The following FANCF variants were observed in gnomAD, a reference collection of about 807,000 sequenced individuals.
The protein encoded by FANCF is Fanconi anemia group F protein.
For missense variants in FANCF, 552 were observed against 481.8 expected, an observed-to-expected ratio of 1.15 and a Z score of -1.36; for synonymous variants, 257 against 205.9, an observed-to-expected ratio of 1.25 and a Z score of -2.13.
chr11:22,624,715 C>T lies in FANCF; in HGVS notation c.1096G>A (p.Gly366Ser). ...SGAFRKRQVL[G>S]LSAGLSSV ...ACAGAACTGAGGCCTGCGCTGAGAC[C>T]CAAAACTTGTCTTTTCCTAAATGCA... Residue 366 changes from glycine (G) to serine (S), a missense_variant, in exon 1 of 1, where the codon GGT becomes AGT. Transcript: ENST00000327470. The T allele has an allele frequency of 6.2e-7, 1 of 1,614,070 alleles. No individual in the cohort carries two copies. Among genetic ancestry groups the T allele is most frequent in the Non-Finnish European group, 8.5e-7 (1 of 1,180,020 alleles).
rs551211564 is a variant in FANCF, at chr11:22,623,125, T to A, written c.*1561A>T. ...AATGTAATCTACAAGATGGCCTTCATGGATTAGAAAAAGGAATCAGACCAC... is the reference window on the plus strand; with the variant it reads ...AATGTAATCTACAAGATGGCCTTCAAGGATTAGAAAAAGGAATCAGACCAC... On this transcript the variant is annotated 3_prime_UTR_variant, in exon 1 of 1. Transcript: ENST00000327470. 2 of 210,836 alleles carry A rather than the reference T, an allele frequency of 9.5e-6. No individual in the cohort carries two copies. Among genetic ancestry groups the A allele is most frequent in the African/African-American group, 4.5e-5 (2 of 44,274 alleles). 13.1% of individuals were successfully genotyped at this position (210,836 alleles called of 1,614,324 possible). A position where few individuals can be genotyped will look rare whatever the true frequency, so the allele number is the denominator to read the frequency against.
In FANCF at chr11:22,622,861, G is replaced by A. The variant is rs1440957789; in HGVS notation, c.*1825C>T. 3 of 191,152 alleles carry A rather than the reference G, an allele frequency of 1.6e-5. No individual in the cohort carries two copies. Among genetic ancestry groups the A allele is most frequent in the African/African-American group, 7.0e-5 (3 of 43,034 alleles). 11.8% of individuals were successfully genotyped at this position (191,152 alleles called of 1,614,324 possible). Reference sequence around the variant, plus strand: ...AAAATAACAGAATAATAAATGGTAAGTATAAAATAGATTTTAAAATGTTAT... The same window carrying A: ...AAAATAACAGAATAATAAATGGTAAATATAAAATAGATTTTAAAATGTTAT... On this transcript the variant is annotated 3_prime_UTR_variant, in exon 1 of 1. Transcript: ENST00000327470.
In FANCF at chr11:22,622,736, C is replaced by T. The variant is rs923194357; in HGVS notation, c.*1950G>A. 5.2e-6 allele frequency: 1 copy of T among 192,362 alleles called. No individual in the cohort carries two copies. Among genetic ancestry groups the T allele is most frequent in the African/African-American group, 2.3e-5 (1 of 43,042 alleles). 11.9% of individuals were successfully genotyped at this position (192,362 alleles called of 1,614,324 possible). ...ACTTTCATGTTGCTTTTGTTTATAC[C>T]CTTGGGCATTTTACTTAATCTTTTA... On this transcript the variant is annotated 3_prime_UTR_variant, in exon 1 of 1. Coordinates refer to ENST00000327470, the MANE Select transcript of FANCF (RefSeq NM_022725.4).
At position 22,625,799 on chromosome 11, in the gene FANCF, A is replaced by T; in HGVS notation, c.12T>A (p.Leu4=). 6.2e-7 allele frequency: 1 copy of T among 1,614,066 alleles called. No individual in the cohort carries two copies. Residue 4 remains leucine, a synonymous_variant, in exon 1 of 1, where the codon CTT becomes CTA. Coordinates refer to ENST00000327470, the MANE Select transcript of FANCF (RefSeq NM_022725.4). ...CGGAAAAGCGATCCAGGTGCTGCAG[A>T]AGGGATTCCATGAGGTGCGCGAAGG... MES[L]LQHLDRFSEL...
In FANCF at chr11:22,623,300, ATTG is replaced by A. The variant is rs1267494095; in HGVS notation, c.*1383_*1385del. The A allele has an allele frequency of 2.9e-5, 6 of 205,406 alleles. No individual in the cohort carries two copies. The highest frequency in any genetic ancestry group is 1.2e-4 in the Admixed American group (2 of 16,802). The allele number at this position is 205,406 out of a possible 1,614,324, so 12.7% of individuals were successfully genotyped here. Reference sequence around the variant, plus strand: ...TTTTCTACAAGATTACACTACTCATATTGTTTTTATTCCATTCCGGAATTAGAA... The same window carrying A: ...TTTTCTACAAGATTACACTACTCATATTTTTATTCCATTCCGGAATTAGAA... On this transcript the variant is annotated 3_prime_UTR_variant, in exon 1 of 1. Coordinates refer to ENST00000327470, the MANE Select transcript of FANCF (RefSeq NM_022725.4).
Position 22,624,473 on chromosome 11 carries a change from A to C in FANCF, c.*213T>G, listed in dbSNP as rs574301990. On this transcript the variant is annotated 3_prime_UTR_variant, in exon 1 of 1. Transcript: ENST00000327470. Reference sequence around the variant, plus strand: ...AACTATTGCTAATTCCATGGCTTTAAGTGGAGTACTTCCAATCACTTCCTC... The same window carrying C: ...AACTATTGCTAATTCCATGGCTTTACGTGGAGTACTTCCAATCACTTCCTC... The C allele has an allele frequency of 6.8e-6, 4 of 589,836 alleles. No homozygotes were observed. The highest frequency in any genetic ancestry group is 5.6e-5 in the African/African-American group (3 of 53,736). 36.5% of individuals were successfully genotyped at this position (589,836 alleles called of 1,614,324 possible). A position where few individuals can be genotyped will look rare whatever the true frequency, so the allele number is the denominator to read the frequency against.
Position 22,625,791 on chromosome 11 carries a change from T to C in FANCF, c.20A>G (p.His7Arg). ...CAGAAGCTCGGAAAAGCGATCCAGG[T>C]GCTGCAGAAGGGATTCCATGAGGTG... MESLLQHLDRFSELLAV... is the reference protein window; with the variant it reads MESLLQRLDRFSELLAV... The change falls in exon 1 of 1, where the codon CAC becomes CGC. Residue 7 changes from histidine (H) to arginine (R), a missense_variant. Physicochemically the swap from His to Arg is conservative, Grantham distance 29. Coordinates refer to ENST00000327470, the MANE Select transcript of FANCF (RefSeq NM_022725.4). 1 of 1,614,068 alleles carries C rather than the reference T, an allele frequency of 6.2e-7. No homozygotes were observed. The highest frequency in any genetic ancestry group is 8.5e-7 in the Non-Finnish European group (1 of 1,180,024).
In FANCF at chr11:22,623,057, G is replaced by A. The variant is rs10500938; in HGVS notation, c.*1629C>T. 7,259 of 205,596 alleles carry A rather than the reference G, an allele frequency of 0.035. 209 individuals are homozygous for A. The highest frequency in any genetic ancestry group is 0.087 in the East Asian group (1,163 of 13,410). The allele number at this position is 205,596 out of a possible 1,614,324, so 12.7% of individuals were successfully genotyped here. ...GGGTTGTTTCTTAAAAAAAATTCAC[G>A]CAACTGACAGGAGGAATTGTCTTTA... is the stretch of plus-strand genomic sequence containing the variant. On this transcript the variant is annotated 3_prime_UTR_variant, in exon 1 of 1. Coordinates refer to ENST00000327470, the MANE Select transcript of FANCF (RefSeq NM_022725.4).
rs1002463466 is a variant in FANCF at position 22,623,665 on chromosome 11, G to A, written c.*1021C>T. 1.1e-5 allele frequency: 2 copies of A among 186,782 alleles called. No individual in the cohort carries two copies. The highest frequency in any genetic ancestry group is 2.3e-5 in the Non-Finnish European group (2 of 88,416). The allele number at this position is 186,782 out of a possible 1,614,324, so 11.6% of individuals were successfully genotyped here. On this transcript the variant is annotated 3_prime_UTR_variant, in exon 1 of 1. Coordinates refer to ENST00000327470, the MANE Select transcript of FANCF (RefSeq NM_022725.4). ...GTTGTGATTTATTAACCTAGTTAAC[G>A]GCAGAAGCTGCACTAAAACCTGGAT...
At position 22,624,722 on chromosome 11, in the gene FANCF, TTG is replaced by T. The variant is rs1554963590; in HGVS notation, c.1087_1088del (p.Gln363SerfsTer54). The T allele has an allele frequency of 1.2e-6, 2 of 1,614,148 alleles. No homozygotes were observed. Among genetic ancestry groups the T allele is most frequent in the Non-Finnish European group, 1.7e-6 (2 of 1,180,024 alleles). ...TGAGGCCTGCGCTGAGACCCAAAAC[TTG>T]TCTTTTCCTAAATGCACCACTACGA... ...ALRSGAFRKR[Q>X]VLGLSAGLSS... On this transcript the variant is annotated frameshift_variant, in exon 1 of 1. Transcript: ENST00000327470. LOFTEE classifies it low-confidence loss of function (END_TRUNC).
rs750178404 is a variant in FANCF, at chr11:22,624,384, C to G, written c.*302G>C. 3 of 405,034 alleles carry G rather than the reference C, an allele frequency of 7.4e-6. No individual in the cohort carries two copies. Among genetic ancestry groups the G allele is most frequent in the African/African-American group, 2.0e-5 (1 of 50,570 alleles). 25.1% of individuals were successfully genotyped at this position (405,034 alleles called of 1,614,324 possible). A position where few individuals can be genotyped will look rare whatever the true frequency, so the allele number is the denominator to read the frequency against. ...TATTTTGTTTGTCACTTTAAAGCTG[C>G]TTTTTCTTTAAACGGTACACATATT... On this transcript the variant is annotated 3_prime_UTR_variant, in exon 1 of 1. Transcript: ENST00000327470.
rs1858606688 is a variant in FANCF at position 22,624,382 on chromosome 11, T to C, written c.*304A>G. On this transcript the variant is annotated 3_prime_UTR_variant, in exon 1 of 1. Coordinates refer to ENST00000327470, the MANE Select transcript of FANCF (RefSeq NM_022725.4). ...GGTATTTTGTTTGTCACTTTAAAGC[T>C]GCTTTTTCTTTAAACGGTACACATA... 2.5e-6 allele frequency: 1 copy of C among 406,020 alleles called. No individual in the cohort carries two copies. Among genetic ancestry groups the C allele is most frequent in the South Asian group, 3.3e-5 (1 of 30,214 alleles). The allele number at this position is 406,020 out of a possible 1,614,324, so 25.2% of individuals were successfully genotyped here.
chr11:22,625,736 G>A lies in FANCF; in HGVS notation c.75C>T (p.Thr25=). The change falls in exon 1 of 1, where the codon ACC becomes ACT. Residue 25 remains threonine, a synonymous_variant. Coordinates refer to ENST00000327470, the MANE Select transcript of FANCF (RefSeq NM_022725.4). Reference sequence around the variant, plus strand: ...CCCGGCGCACGGTGGCGGGGTCCCAGGTGCTGACGTAGGTAGTGCTTGAGA... The same window carrying A: ...CCCGGCGCACGGTGGCGGGGTCCCAAGTGCTGACGTAGGTAGTGCTTGAGA... ...LAVSSTTYVS[T]WDPATVRRAL... The A allele has an allele frequency of 6.2e-7, 1 of 1,614,176 alleles. No individual in the cohort carries two copies. Among genetic ancestry groups the A allele is most frequent in the Non-Finnish European group, 8.5e-7 (1 of 1,180,038 alleles).
Position 22,624,696 on chromosome 11 carries a change from C to T in FANCF, c.1115G>A (p.Ser372Asn). The change falls in exon 1 of 1, where the codon AGT becomes AAT. Residue 372 changes from serine to asparagine, a missense_variant. Physicochemically the swap from Ser to Asn is conservative, Grantham distance 46. Transcript: ENST00000327470. ...RQVLGLSAGL[S>N]SV ...ATAACACAGCATTGCCTATACAGAA[C>T]TGAGGCCTGCGCTGAGACCCAAAAC... is the stretch of plus-strand genomic sequence containing the variant. 1 of 1,614,104 alleles carries T rather than the reference C, an allele frequency of 6.2e-7. No homozygotes were observed. The highest frequency in any genetic ancestry group is 8.5e-7 in the Non-Finnish European group (1 of 1,179,950).
In FANCF at chr11:22,624,842, A is replaced by G; in HGVS notation, c.969T>C (p.Asp323=). The change falls in exon 1 of 1, where the codon GAT becomes GAC. Residue 323 remains aspartate (D), a synonymous_variant. Coordinates refer to ENST00000327470, the MANE Select transcript of FANCF (RefSeq NM_022725.4). The stretch of plus-strand genomic sequence containing the variant: ...AGGTCTCCAGGGCAGTTAGAACTTT[A>G]TCTTTCAGAGGTGGAGGGGCCTGAC... ...SLCQAPPPLK[D]KVLTALETCK... 1 of 1,614,140 alleles carries G rather than the reference A, an allele frequency of 6.2e-7. No homozygotes were observed. Among genetic ancestry groups the G allele is most frequent in the Non-Finnish European group, 8.5e-7 (1 of 1,180,014 alleles).
At position 22,624,157 on chromosome 11, in the gene FANCF, CAA is replaced by C. The variant is rs1858602975; in HGVS notation, c.*527_*528del. 1 of 239,456 alleles carries C rather than the reference CAA, an allele frequency of 4.2e-6. No homozygotes were observed. The highest frequency in any genetic ancestry group is 8.2e-6 in the Non-Finnish European group (1 of 121,222). The allele number at this position is 239,456 out of a possible 1,614,324, so 14.8% of individuals were successfully genotyped here. ...GTAAGAATTTGCAGAAAATGAGAAA[CAA>C]ACTTTCTGAACAATACAATTTTAAT... is the stretch of plus-strand genomic sequence containing the variant. On this transcript the variant is annotated 3_prime_UTR_variant, in exon 1 of 1. Coordinates refer to ENST00000327470, the MANE Select transcript of FANCF (RefSeq NM_022725.4).
Position 22,622,574 on chromosome 11 carries a change from A to C in FANCF, c.*2112T>G, listed in dbSNP as rs1247171679. 5 of 179,550 alleles carry C rather than the reference A, an allele frequency of 2.8e-5. No homozygotes were observed. Among genetic ancestry groups the C allele is most frequent in the South Asian group, 2.0e-4 (1 of 5,054 alleles). 11.1% of individuals were successfully genotyped at this position (179,550 alleles called of 1,614,324 possible). On this transcript the variant is annotated 3_prime_UTR_variant, in exon 1 of 1. Transcript: ENST00000327470. Reference sequence around the variant, plus strand: ...TCTCTCAGTGTATGCGTAGATTCCTAATCTTTTCAAGTCCTTAAGAGAAAG... The same window carrying C: ...TCTCTCAGTGTATGCGTAGATTCCTCATCTTTTCAAGTCCTTAAGAGAAAG...
Position 22,625,069 on chromosome 11 carries a change from A to G in FANCF, c.742T>C (p.Phe248Leu). Reference protein sequence around the residue: ...VHWLLGNSEVFAAFCRALPAG... With the variant: ...VHWLLGNSEVLAAFCRALPAG... ...GGGAGGGCGCGACAAAAGGCAGCAA[A>G]GACTTCCGAATTCCCCAGAAGCCAG... Residue 248 changes from phenylalanine (F) to leucine (L), a missense_variant, in exon 1 of 1, where the codon TTT becomes CTT. Phe to Leu is a conservative substitution (Grantham distance 22, BLOSUM62 0). Coordinates refer to ENST00000327470, the MANE Select transcript of FANCF (RefSeq NM_022725.4). 6.2e-7 allele frequency: 1 copy of G among 1,614,100 alleles called. No individual in the cohort carries two copies. Among genetic ancestry groups the G allele is most frequent in the Non-Finnish European group, 8.5e-7 (1 of 1,179,968 alleles).
rs1858616324 is a variant in FANCF at position 22,624,831 on chromosome 11, G to A, written c.980C>T (p.Thr327Ile). The change falls in exon 1 of 1, where the codon ACT becomes ATT. Residue 327 changes from threonine to isoleucine, a missense_variant. Thr to Ile is a moderately conservative substitution (Grantham distance 89). Coordinates refer to ENST00000327470, the MANE Select transcript of FANCF (RefSeq NM_022725.4). ...CTGCGCTTTACAGGTCTCCAGGGCAGTTAGAACTTTATCTTTCAGAGGTGG... is the reference window on the plus strand; with the variant it reads ...CTGCGCTTTACAGGTCTCCAGGGCAATTAGAACTTTATCTTTCAGAGGTGG... ...APPPLKDKVL[T>I]ALETCKAQDG... 1 of 1,614,194 alleles carries A rather than the reference G, an allele frequency of 6.2e-7. No homozygotes were observed. Among genetic ancestry groups the A allele is most frequent in the Non-Finnish European group, 8.5e-7 (1 of 1,180,032 alleles).
Sources: allele counts gnomAD v4.1 joint callset, GRCh38; gene constraint gnomAD v4.1.1; transcripts MANE v1.5; gene names NCBI Gene and HGNC (gene_info 2026-07-23, HGNC 2026-07-21).